Variants in PCDHA6 observed in about 807,000 individuals in gnomAD.
The protein encoded by PCDHA6 is protocadherin alpha 6.
Under a neutral mutation model 60.3 loss-of-function variants are expected in PCDHA6, and 55 were observed. That is an observed-to-expected ratio of 0.91 (90% CI 0.73 to 1.14). The LOEUF (loss-of-function observed/expected upper bound fraction) is 1.14, where lower values mean the gene tolerates loss of function less well. Among genes scored for constraint, PCDHA6 ranks in the 50% most tolerant of loss-of-function variants. The probability of loss-of-function intolerance (pLI) is 0.00; values close to 1 mark genes in which losing one functional copy is unlikely to be tolerated. For synonymous variants in PCDHA6, 652 were observed against 557.9 expected, an observed-to-expected ratio of 1.17 and a Z score of -2.38; for missense variants, 1,327 against 1,256.5, an observed-to-expected ratio of 1.06 and a Z score of -0.85.
intron 1 of PCDHA6, among the ~76,000 whole-genome samples, chr5:140,831,611 C>T (rs1403752788): frequency 9.3e-5 from 14 of 150,788 alleles, no homozygotes. Flanking sequence ...GATCTGCCCA[C>T]CTTGGCCTCC....
chr5:140,881,695 T>G (rs576802700), intron 1 of PCDHA6, among the ~76,000 whole-genome samples: 1 of 152,318 alleles, frequency 6.6e-6, no homozygotes, highest in East Asian at 1.9e-4. Flanking sequence ...CCTTTTGGAG[T>G]CAATGGCTGT....
intron 1 of PCDHA6, among the ~76,000 whole-genome samples, chr5:140,937,306 G>A (rs994842470): frequency 4.3e-4 from 66 of 152,048 alleles, no homozygotes; most frequent in African/African-American, 1.6e-3. Flanking sequence ...CAAAGTGCTG[G>A]GATTACAGGC....
At chr5:140,873,085 C>G (rs1554166557) in intron 1 of PCDHA6, among the ~76,000 whole-genome samples, 2 of 152,098 alleles carry the variant, frequency 1.3e-5, no homozygotes, top group Non-Finnish European at 2.9e-5. Flanking sequence ...TATTTCCCCC[C>G]CGTATAGAGG....
rs2150455221 is a variant in PCDHA6 at position 140,849,869 on chromosome 5, C to T, written c.2394+19384C>T. 12 of 1,598,574 alleles carry T rather than the reference C, an allele frequency of 7.5e-6. No homozygotes were observed. In the South Asian group the frequency reaches 8.8e-5, roughly 12 times the overall value. ...ACAACGCACCAGCGTTCGCGCAGTC[C>T]GAGTACACGGTGTTCGTGAAGGAGA... On this transcript the variant is annotated intron_variant, in intron 1 of 3. Transcript: ENST00000529310.
At chr5:140,924,906 T>TAAAAA (rs1284498744) in intron 1 of PCDHA6, among the ~76,000 whole-genome samples, 1 of 55,822 alleles carries the variant, frequency 1.8e-5, no homozygotes, top group Non-Finnish European at 3.4e-5. Context: ...AAAAAAAAAA[T>TAAAAA]AAAATAAAAT....
In PCDHA6 at chr5:140,829,211, G is replaced by C. The variant is rs2150163941; in HGVS notation, c.1120G>C (p.Val374Leu). Residue 374 changes from valine to leucine, a missense_variant, in exon 1 of 4, where the codon GTG (valine) becomes CTG (leucine). Coordinates refer to ENST00000529310, the MANE Select transcript of PCDHA6 (RefSeq NM_018909.4). Reference protein sequence around the residue: ...QFGTVIALISVNDLDSGANGQ... With the variant: ...QFGTVIALISLNDLDSGANGQ... The stretch of plus-strand genomic sequence containing the variant: ...TGGTACTGTCATCGCCCTAATTAGC[G>C]TGAACGACCTCGATTCAGGTGCCAA... 6.2e-7 allele frequency: 1 copy of C among 1,614,206 alleles called. No individual in the cohort carries two copies. The highest frequency in any genetic ancestry group is 8.5e-7 in the Non-Finnish European group (1 of 1,180,042).
At chr5:140,857,501 G>A in intron 1 of PCDHA6, 1 of 1,598,358 alleles carries the variant, frequency 6.3e-7, no homozygotes, top group Non-Finnish European at 8.6e-7. Context: ...GGACGCGCAG[G>A]AGAACGCCCT....
chr5:140,968,526 C>G, intron 1 of PCDHA6: 3 of 1,614,200 alleles, frequency 1.9e-6, no homozygotes, highest in Middle Eastern at 1.6e-4. Context: ...TCAACCAACT[C>G]GTCAGCAGCC....
In PCDHA6 at chr5:140,977,999, G is replaced by A. The variant is rs1185111218; in HGVS notation, c.2395-950G>A. Among the ~76,000 whole-genome samples the A allele has an allele frequency of 1.3e-5, 2 of 152,132 alleles. 1 individual carries two copies. The highest frequency in any genetic ancestry group is 4.8e-5 in the African/African-American group (2 of 41,406). ...AAACGCATCTAGAGGAGTGTCACAA[G>A]TTTTTCACAGTGACATTTTTGCTTA... On this transcript the variant is annotated intron_variant, in intron 1 of 3. Coordinates refer to ENST00000529310, the MANE Select transcript of PCDHA6 (RefSeq NM_018909.4).
At chr5:140,958,796 T>C (rs2095443333) in intron 1 of PCDHA6, among the ~76,000 whole-genome samples, 2 of 152,182 alleles carry the variant, frequency 1.3e-5, no homozygotes, top group Admixed American at 6.5e-5. Context: ...TCTAGTAAAT[T>C]ATCACACCAT....
chr5:141,003,252 TGGGCAGTGCCTAA>T (rs2098117217), intron 3 of PCDHA6, among the ~76,000 whole-genome samples: 1 of 152,236 alleles, frequency 6.6e-6, no homozygotes, highest in South Asian at 2.1e-4. Context: ...AAAAGATTCC[TGGGCAGTGCCTAA>T]GGGAAGTGCC....
intron 1 of PCDHA6, among the ~76,000 whole-genome samples, chr5:140,963,211 G>A (rs185560728): frequency 0.016 from 2,496 of 152,042 alleles, 69 homozygotes; most frequent in African/African-American, 0.056. Flanking sequence ...AAAAAACCTC[G>A]TGTTTAGAGT....
At chr5:140,892,537 CTT>C (rs570429050) in intron 1 of PCDHA6, among the ~76,000 whole-genome samples, 2 of 152,252 alleles carry the variant, frequency 1.3e-5, no homozygotes, top group South Asian at 4.1e-4. Flanking sequence ...AGGATTCTGA[CTT>C]TTGTTTCTCT....
intron 1 of PCDHA6, among the ~76,000 whole-genome samples, chr5:140,964,516 C>G (rs1410737676): frequency 6.6e-6 from 1 of 152,006 alleles, no homozygotes; most frequent in African/African-American, 2.4e-5. Flanking sequence ...ACCCAGTGGC[C>G]AGGTCTCTGA....
chr5:140,909,164 A>T (rs2074347084), intron 1 of PCDHA6, among the ~76,000 whole-genome samples: 1 of 152,238 alleles, frequency 6.6e-6, no homozygotes, highest in South Asian at 2.1e-4. Context: ...AGGGAAAATC[A>T]ATCAAGTTCT....
intron 1 of PCDHA6, among the ~76,000 whole-genome samples, chr5:140,906,368 T>C (rs1554192499): frequency 1.3e-5 from 2 of 152,198 alleles, no homozygotes. Flanking sequence ...CCAACCCAAA[T>C]GCTATTACAT....
At chr5:140,830,508 C>T in intron 1 of PCDHA6, 23 bp downstream of exon 1, 1 of 1,415,164 alleles carries the variant, frequency 7.1e-7, no homozygotes, top group Non-Finnish European at 9.4e-7. Flanking sequence ...TCATAATTAA[C>T]AGTTAATTTT....
intron 3 of PCDHA6, among the ~76,000 whole-genome samples, chr5:140,991,325 G>C (rs899183687): frequency 3.3e-5 from 5 of 152,184 alleles, no homozygotes; most frequent in Non-Finnish European, 5.9e-5. Flanking sequence ...GATACATGAA[G>C]GGAATAGCTT....
At chr5:140,951,876 G>A (rs1554220112) in intron 1 of PCDHA6, among the ~76,000 whole-genome samples, 1 of 152,094 alleles carries the variant, frequency 6.6e-6, no homozygotes, top group East Asian at 1.9e-4. Context: ...CTGAGACAAG[G>A]CAACTCTCTT....
Sources: gnomAD v4.1 joint callset for allele counts (sites outside exome capture counted in the v4.1 genomes callset) on GRCh38, gnomAD v4.1.1 for gene constraint, MANE v1.5 for transcripts, NCBI Gene and HGNC (gene_info 2026-07-23, HGNC 2026-07-21) for gene names.